Variants in GLB1L3 observed in about 807,000 individuals in gnomAD.
GLB1L3 encodes the protein galactosidase beta 1 like 3, also known as beta-galactosidase-1-like protein 3.
Under a neutral mutation model 89.5 loss-of-function variants are expected in GLB1L3, and 89 were observed. The ratio of observed to expected loss-of-function variants is 0.99; its 90% CI spans 0.84 to 1.19. GLB1L3 has a LOEUF of 1.19. Among genes scored for constraint, GLB1L3 ranks in the 50% most tolerant of loss-of-function variants. The pLI, the probability that GLB1L3 is intolerant of heterozygous loss-of-function variation, is 0.00. For missense variants in GLB1L3, 812 were observed against 813.3 expected (o/e 1.00, Z 0.02); for synonymous variants, 314 against 312.3 (o/e 1.01, Z -0.06).
intron 2 of GLB1L3, 101 bp downstream of exon 2, chr11:134,277,552 T>C: frequency 6.5e-7 from 1 of 1,546,142 alleles, no homozygotes; most frequent in Non-Finnish European, 8.9e-7. Flanking sequence ...CCTACTAACA[T>C]ATGCACAGAA....
At chr11:134,290,218 G>C (rs908566676) in intron 7 of GLB1L3, among the ~76,000 whole-genome samples, 5 of 152,180 alleles carry the variant, frequency 3.3e-5, no homozygotes, top group Non-Finnish European at 5.9e-5. Context: ...TATTTAATCG[G>C]TTGTATTCAG....
chr11:134,289,366 G>C (rs769894628), intron 7 of GLB1L3, among the ~76,000 whole-genome samples: 1 of 151,954 alleles, frequency 6.6e-6, no homozygotes, highest in Non-Finnish European at 1.5e-5. Context: ...TGCTGACTCA[G>C]GGGTGGCAGA....
chr11:134,278,030 TC>T, intron 3 of GLB1L3, 118 bp downstream of exon 3: 1 of 891,020 alleles, frequency 1.1e-6, no homozygotes. Flanking sequence ...CACAGTCGTT[TC>T]CAGCACATAC....
intron 9 of GLB1L3, among the ~76,000 whole-genome samples, chr11:134,301,532 A>C (rs1050249464): frequency 6.6e-6 from 1 of 152,074 alleles, no homozygotes; most frequent in Non-Finnish European, 1.5e-5. Context: ...TAACATTCTC[A>C]TCAGAAGCAT....
At chr11:134,290,553 A>G (rs1450703764) in intron 7 of GLB1L3, among the ~76,000 whole-genome samples, 2 of 148,842 alleles carry the variant, frequency 1.3e-5, no homozygotes, top group Non-Finnish European at 3.0e-5. Flanking sequence ...AGCCTGGGTG[A>G]CAGAGTGAGA....
intron 13 of GLB1L3, 168 bp from the exon 14 acceptor site, chr11:134,312,181 G>T (rs1942764482): frequency 3.0e-6 from 2 of 666,986 alleles, no homozygotes. Context: ...TTCCTTCCTG[G>T]GCAGTGGAGA....
Position 134,313,540 on chromosome 11 carries a change from CGGG to C in GLB1L3, c.1579+69_1579+71del, listed in dbSNP as rs960957069. On this transcript the variant is annotated intron_variant, in intron 16 of 19. Transcript: ENST00000431683. ...GAAGACCCGGGCTATGCACTGGAGT[CGGG>C]GGCGGGAGAGGGTGGGGAAACCAGC... 1.5e-4 allele frequency: 77 copies of C among 507,464 alleles called. No homozygotes were observed. In the Middle Eastern group the frequency reaches 2.2e-3, roughly 15 times the overall value. 31.4% of individuals were successfully genotyped at this position (507,464 alleles called of 1,614,324 possible).
intron 9 of GLB1L3, among the ~76,000 whole-genome samples, chr11:134,298,392 T>C (rs1390434004): frequency 1.3e-5 from 2 of 152,180 alleles, no homozygotes; most frequent in African/African-American, 4.8e-5. Flanking sequence ...ATTTCCCTTA[T>C]GAACATGGAA....
At chr11:134,308,217 T>TCACCACCACCACCAC (rs1565412423) in intron 10 of GLB1L3, among the ~76,000 whole-genome samples, 2 of 31,504 alleles carry the variant, frequency 6.3e-5, no homozygotes, top group African/African-American at 3.4e-4. Context: ...ACCACCACCA[T>TCACCACCACCACCAC]CACCATCACC....
chr11:134,311,979 G>A (rs1282947697), intron 13 of GLB1L3: 1 of 164,046 alleles, frequency 6.1e-6, no homozygotes, highest in Non-Finnish European at 1.3e-5. Flanking sequence ...TAAGTTTTTT[G>A]TAGATGTGGG....
At chr11:134,318,599 A>G (rs372426022) in intron 18 of GLB1L3, 32 bp from the exon 19 acceptor site, 1 of 1,414,362 alleles carries the variant, frequency 7.1e-7, no homozygotes, top group East Asian at 2.3e-5. Flanking sequence ...ATGTGAACCA[A>G]TTTCCAAATC....
intron 9 of GLB1L3, among the ~76,000 whole-genome samples, chr11:134,301,778 T>C (rs1941961108): frequency 6.6e-6 from 1 of 152,208 alleles, no homozygotes; most frequent in African/African-American, 2.4e-5. Context: ...TTATATTTGG[T>C]ATATTTGATA....
chr11:134,277,756 G>A lies in GLB1L3; in HGVS notation c.206G>A (p.Gly69Glu). The A allele has an allele frequency of 3.7e-6, 6 of 1,613,660 alleles. No homozygotes were observed. The highest frequency in any genetic ancestry group is 4.2e-6 in the Non-Finnish European group (5 of 1,179,866). The change falls in exon 3 of 20, where the codon GGA becomes GAA. Residue 69 changes from glycine to glutamate, a missense_variant. This residue lies in a region of GLB1L3 where 191 missense variants were observed against 191.4 expected (regional missense o/e 1.00). Transcript: ENST00000431683. ...CTGAAGAATCGATCTGTGGGACTTG[G>A]AACTGAAAGCACAGGTCGGGGTAAG... The part of the protein sequence containing the change: ...LELKNRSVGL[G>E]TESTGRGKPH...
Position 134,276,700 on chromosome 11 carries a change from C to A in GLB1L3, c.-41C>A. 3 of 1,422,288 alleles carry A rather than the reference C, an allele frequency of 2.1e-6. No homozygotes were observed. The highest frequency in any genetic ancestry group is 1.4e-5 in the South Asian group (1 of 69,666). 88.1% of individuals were successfully genotyped at this position (1,422,288 alleles called of 1,614,324 possible). ...CGGCGTCGGGGCCAGCGGAGAGGGG[C>A]GGAAGCCGCAAGGGACCCTCGGCGC... On this transcript the variant is annotated 5_prime_UTR_variant, in exon 1 of 20. Coordinates refer to ENST00000431683, the MANE Select transcript of GLB1L3 (RefSeq NM_001080407.3).
Position 134,306,995 on chromosome 11 carries a change from G to T in GLB1L3, c.877-129G>T, listed in dbSNP as rs529785716. 9.5e-6 allele frequency: 6 copies of T among 630,866 alleles called. 1 individual carries two copies. The South Asian group carries it at 1.2e-4, about 13-fold the overall frequency. The allele number at this position is 630,866 out of a possible 1,614,324, so 39.1% of individuals were successfully genotyped here. On this transcript the variant is annotated intron_variant, in intron 9 of 19. Coordinates refer to ENST00000431683, the MANE Select transcript of GLB1L3 (RefSeq NM_001080407.3). The stretch of plus-strand genomic sequence containing the variant: ...GGGGGAAGAAATACTGGATCAAAAC[G>T]GGAAAGCTCTGAATTGGGAAAAAGG...
At chr11:134,321,457 GAC>G (rs1256780195), downstream of GLB1L3, among the ~76,000 whole-genome samples, 4 of 152,108 alleles carry the variant, frequency 2.6e-5, no homozygotes, top group Non-Finnish European at 5.9e-5. Context: ...CTGCTATAAA[GAC>G]ACATGCACAC....
chr11:134,314,870 G>A (rs1942912442), intron 18 of GLB1L3, among the ~76,000 whole-genome samples: 1 of 152,108 alleles, frequency 6.6e-6, no homozygotes, highest in Non-Finnish European at 1.5e-5. Flanking sequence ...GAGTTGGTAA[G>A]TTAGTTTTTA....
At chr11:134,300,231 T>C (rs1459184703) in intron 9 of GLB1L3, among the ~76,000 whole-genome samples, 1 of 152,070 alleles carries the variant, frequency 6.6e-6, no homozygotes, top group East Asian at 1.9e-4. Flanking sequence ...CTCCTCCCTG[T>C]GCCCTCACAT....
the GLB1L3 span, among the ~76,000 whole-genome samples, chr11:134,324,724 A>G: frequency 6.6e-6 from 1 of 152,160 alleles, no homozygotes; most frequent in African/African-American, 2.4e-5. Flanking sequence ...TTCTTCAAAG[A>G]TTCATGGCCT....
Sources: allele counts gnomAD v4.1 joint callset (sites outside exome capture counted in the v4.1 genomes callset), GRCh38; gene constraint gnomAD v4.1.1; regional missense constraint gnomAD v4.1.1; transcripts MANE v1.5; gene names NCBI Gene and HGNC (gene_info 2026-07-23, HGNC 2026-07-21).